NR1I2: variants seen among roughly 807,000 people sequenced by gnomAD.
NR1I2 encodes the protein nuclear receptor subfamily 1 group I member 2.
Under a neutral mutation model 43.3 loss-of-function variants are expected in NR1I2, and 42 were observed. That is an observed-to-expected ratio of 0.97 (90% CI 0.76 to 1.26). The LOEUF is 1.26. Ranked by LOEUF, NR1I2 falls within the 50% of genes most tolerant of loss-of-function variation. NR1I2 has a pLI of 0.00. For synonymous variants in NR1I2, 229 were observed against 215.0 expected (o/e 1.06, Z -0.57); for missense variants, 559 against 566.7 (o/e 0.99, Z 0.14).
chr3:119,814,317 G>A (rs1415885145), intron 5 of NR1I2, among the ~76,000 whole-genome samples: 1 of 152,188 alleles, frequency 6.6e-6, no homozygotes, highest in Non-Finnish European at 1.5e-5. Context: ...GGGTATCCAT[G>A]TAACCATAAT....
chr3:119,809,129 C>G (rs1418799517), intron 2 of NR1I2, among the ~76,000 whole-genome samples: 1 of 152,186 alleles, frequency 6.6e-6, no homozygotes, highest in Non-Finnish European at 1.5e-5. Flanking sequence ...CCTGGGCCAG[C>G]CTTCCCTCAG....
rs767695903 is a variant in NR1I2, at chr3:119,812,946, C to T, written c.780C>T (p.Val260=). 1.9e-6 allele frequency: 3 copies of T among 1,613,558 alleles called. No individual in the cohort carries two copies. In the Admixed American group the frequency reaches 5.0e-5, roughly 27 times the overall value. The change falls in exon 5 of 9, where the codon GTC becomes GTT. Residue 260 remains valine (V), a synonymous_variant. Transcript: ENST00000393716. ...AAGGCATCATCAGCTTTGCCAAAGT[C>T]ATCTCCTACTTCAGGTAGGACATGG...
In NR1I2 at chr3:119,782,236, T is replaced by C. The variant is rs537242934; in HGVS notation, c.-87T>C. The C allele has an allele frequency of 1.3e-5, 2 of 156,924 alleles. No homozygotes were observed. Among genetic ancestry groups the C allele is most frequent in the East Asian group, 3.7e-4 (2 of 5,414 alleles). 9.7% of individuals were successfully genotyped at this position (156,924 alleles called of 1,614,324 possible). On this transcript the variant is annotated 5_prime_UTR_variant, in exon 1 of 9. Coordinates refer to ENST00000393716, the MANE Select transcript of NR1I2 (RefSeq NM_003889.4). ...TAAAGCTACTCCTTGATCGATCCTT[T>C]GCACCGGATTGTTCAAAGTGGACCC...
At chr3:119,812,596 C>A in intron 4 of NR1I2, 90 bp from the exon 5 acceptor site, 2 of 1,470,376 alleles carry the variant, frequency 1.4e-6, no homozygotes, top group Non-Finnish European at 1.9e-6. Flanking sequence ...GCAACTGTGG[C>A]TGTGCATGTT....
At chr3:119,795,297 AGGG>A (rs2054982031) in intron 1 of NR1I2, among the ~76,000 whole-genome samples, 1 of 152,192 alleles carries the variant, frequency 6.6e-6, no homozygotes, top group South Asian at 2.1e-4. Flanking sequence ...GTGTGCCTGC[AGGG>A]GGATGGGAAG....
intron 1 of NR1I2, among the ~76,000 whole-genome samples, chr3:119,789,078 T>A (rs896520606): frequency 6.6e-6 from 1 of 152,110 alleles, no homozygotes; most frequent in Non-Finnish European, 1.5e-5. Context: ...TCTTAGATTG[T>A]AAGCACAGGC....
intron 2 of NR1I2, among the ~76,000 whole-genome samples, chr3:119,809,696 T>C (rs1042108561): frequency 2.6e-5 from 4 of 152,080 alleles, no homozygotes; most frequent in African/African-American, 9.7e-5. Context: ...GTAACAAGGC[T>C]GTGAAAGAGA....
chr3:119,788,624 G>C (rs2054876681), intron 1 of NR1I2, among the ~76,000 whole-genome samples: 1 of 151,846 alleles, frequency 6.6e-6, no homozygotes, highest in Non-Finnish European at 1.5e-5. Context: ...TTTTTGTAGA[G>C]ATGGCATCTC....
chr3:119,804,381 T>A (rs1018675652), intron 1 of NR1I2, among the ~76,000 whole-genome samples: 3 of 149,002 alleles, frequency 2.0e-5, no homozygotes, highest in African/African-American at 4.9e-5. Context: ...TCTCAAAAAA[T>A]ATATATATAC....
At chr3:119,792,364 C>G in intron 1 of NR1I2, 1 of 1,379,644 alleles carries the variant, frequency 7.2e-7, no homozygotes. Context: ...TTCACAGAAG[C>G]AGTGGAAGCC....
intron 1 of NR1I2, among the ~76,000 whole-genome samples, chr3:119,798,813 C>A (rs1229189480): frequency 2.0e-5 from 3 of 152,142 alleles, no homozygotes; most frequent in Non-Finnish European, 4.4e-5. Context: ...TTTGGGTATA[C>A]TTCTTTCACT....
rs759977935 is a variant in NR1I2, at chr3:119,814,991, C to T, written c.807C>T (p.Ile269=). The change falls in exon 6 of 9, where the codon ATC becomes ATT. Residue 269 remains isoleucine, a synonymous_variant. Coordinates refer to ENST00000393716, the MANE Select transcript of NR1I2 (RefSeq NM_003889.4). The stretch of plus-strand genomic sequence containing the variant: ...TCCTTGCTGCCAGGGACTTGCCCAT[C>T]GAGGACCAGATCTCCCTGCTGAAGG... The T allele has an allele frequency of 9.9e-6, 16 of 1,614,140 alleles. No individual in the cohort carries two copies. The South Asian group carries it at 1.2e-4, about 12-fold the overall frequency.
rs796838430 is a variant in NR1I2, at chr3:119,794,860, AC to A, written c.-22-12366del. Among the ~76,000 whole-genome samples, 801 of 152,234 alleles carry A rather than the reference AC, an allele frequency of 5.3e-3. 35 individuals are homozygous for A. In the East Asian group the frequency reaches 0.11, roughly 21 times the overall value. ...AGGCTGAGCCAGGAGAATTGCTTGA[AC>A]CCAGGAGGCACAGGTTGCAGTGTGC... On this transcript the variant is annotated intron_variant, in intron 1 of 8. Transcript: ENST00000393716.
In NR1I2 at chr3:119,810,300, G is replaced by T. The variant is rs1037871954; in HGVS notation, c.331+106G>T. 11 of 1,461,780 alleles carry T rather than the reference G, an allele frequency of 7.5e-6. No homozygotes were observed. In the East Asian group the frequency reaches 1.7e-4, roughly 23 times the overall value. The allele number at this position is 1,461,780 out of a possible 1,614,324, so 90.6% of individuals were successfully genotyped here. ...GTGTGGAGATGCGCGCCGAGTGTGC[G>T]CGTGAACACACGTGCACATGTGAGC... On this transcript the variant is annotated intron_variant, in intron 3 of 8. Coordinates refer to ENST00000393716, the MANE Select transcript of NR1I2 (RefSeq NM_003889.4).
intron 1 of NR1I2, among the ~76,000 whole-genome samples, chr3:119,803,836 C>A (rs2055114029): frequency 6.6e-6 from 1 of 151,954 alleles, no homozygotes; most frequent in South Asian, 2.1e-4. Context: ...TGTCTCCCTG[C>A]AACCTCTGCC....
At chr3:119,785,373 A>C (rs1410007008) in intron 1 of NR1I2, among the ~76,000 whole-genome samples, 1 of 152,246 alleles carries the variant, frequency 6.6e-6, no homozygotes, top group Non-Finnish European at 1.5e-5. Flanking sequence ...AACTGGGACC[A>C]CCATAAGCTT....
chr3:119,800,337 A>T (rs1451623668), intron 1 of NR1I2, among the ~76,000 whole-genome samples: 1 of 152,140 alleles, frequency 6.6e-6, no homozygotes, highest in East Asian at 1.9e-4. Context: ...CTCAATTATG[A>T]CCCATCAATC....
Position 119,812,829 on chromosome 3 carries a change from T to C in NR1I2, c.663T>C (p.Ser221=). 1.2e-6 allele frequency: 2 copies of C among 1,614,174 alleles called. No homozygotes were observed. Among genetic ancestry groups the C allele is most frequent in the South Asian group, 1.1e-5 (1 of 91,086 alleles). The change falls in exon 5 of 9, where the codon AGT becomes AGC. Residue 221 remains serine, a synonymous_variant. Transcript: ENST00000393716. The stretch of plus-strand genomic sequence containing the variant: ...TGCAGCTGCGGGGGGAGGATGGCAG[T>C]GTCTGGAACTACAAACCCCCAGCCG...
At chr3:119,782,774 C>T (rs963849184) in intron 1 of NR1I2, 2 of 1,613,926 alleles carry the variant, frequency 1.2e-6, no homozygotes, top group African/African-American at 2.7e-5. Context: ...GTCACCAGGA[C>T]TCACCACTTC....
Sources: gnomAD v4.1 joint callset for allele counts (sites outside exome capture counted in the v4.1 genomes callset) on GRCh38, gnomAD v4.1.1 for gene constraint, MANE v1.5 for transcripts, NCBI Gene and HGNC (gene_info 2026-07-23, HGNC 2026-07-21) for gene names.